Variants in SHC4 observed in about 807,000 individuals in gnomAD.
SHC4 encodes SHC-transforming protein 4.
A neutral mutation model predicts 69.4 loss-of-function variants in SHC4; 41 were observed. That is an observed-to-expected ratio of 0.59 (90% CI 0.46 to 0.77). The LOEUF is 0.77. Ranked by LOEUF, SHC4 falls within the 30% of genes least tolerant of loss-of-function variation. The pLI, the probability that SHC4 is intolerant of heterozygous loss-of-function variation, is 0.00. For missense variants in SHC4, 777 were observed against 783.8 expected (o/e 0.99, Z 0.10); for synonymous variants, 318 against 299.3 (o/e 1.06, Z -0.64).
At chr15:48,927,738 G>T (rs754591289) in intron 1 of SHC4, among the ~76,000 whole-genome samples, 1 of 151,980 alleles carries the variant, frequency 6.6e-6, no homozygotes, top group Non-Finnish European at 1.5e-5. Flanking sequence ...CATTCTGTCC[G>T]CCTGGCTCTC....
intron 11 of SHC4, among the ~76,000 whole-genome samples, chr15:48,834,040 G>C (rs1898856251): frequency 6.6e-6 from 1 of 152,154 alleles, no homozygotes; most frequent in African/African-American, 2.4e-5. Context: ...CATGGGCTTT[G>C]ATTGCATCAT....
chr15:48,885,373 TTAAA>T (rs1399877189), intron 3 of SHC4, among the ~76,000 whole-genome samples: 38 of 152,334 alleles, frequency 2.5e-4, no homozygotes, highest in African/African-American at 9.1e-4. Context: ...GTTGTGAAGA[TTAAA>T]TAATAACTAG....
chr15:48,864,540 CG>C (rs1215579401), intron 6 of SHC4, among the ~76,000 whole-genome samples: 1 of 147,058 alleles, frequency 6.8e-6, no homozygotes, highest in Non-Finnish European at 1.5e-5. Flanking sequence ...CTCCGCCTCC[CG>C]GGTTCACACC....
intron 10 of SHC4, among the ~76,000 whole-genome samples, chr15:48,840,682 A>T (rs1444003132): frequency 6.6e-6 from 1 of 152,222 alleles, no homozygotes; most frequent in Non-Finnish European, 1.5e-5. Context: ...TGCTTTAACC[A>T]GCTAAGCCAC....
At chr15:48,956,168 A>T (rs1901450861) in intron 1 of SHC4, among the ~76,000 whole-genome samples, 1 of 152,226 alleles carries the variant, frequency 6.6e-6, no homozygotes, top group African/African-American at 2.4e-5. Context: ...CCTCAATGCC[A>T]AGTCATCAGT....
At chr15:48,878,955 A>G in intron 4 of SHC4, 1 of 479,548 alleles carries the variant, frequency 2.1e-6, no homozygotes, top group Non-Finnish European at 3.8e-6. Context: ...AGACCGTTGA[A>G]ATCAATTATC....
rs565680420 is a variant in SHC4, at chr15:48,867,847, T to C, written c.917A>G (p.Tyr306Cys). The change falls in exon 6 of 12, where the codon TAC becomes TGC. Residue 306 changes from tyrosine (Y) to cysteine (C), a missense_variant. Tyr to Cys is a radical substitution (Grantham distance 194). Transcript: ENST00000332408. ...TTGATTAACTGGATCTTTAGCTACG[T>C]AGGCAACATAGTCTGTAGTATCCTA... ...GDPDTTDYVA[Y>C]VAKDPVNQRA... 1 of 1,613,588 alleles carries C rather than the reference T, an allele frequency of 6.2e-7. No homozygotes were observed. Among genetic ancestry groups the C allele is most frequent in the Admixed American group, 1.7e-5 (1 of 60,014 alleles).
chr15:48,915,549 G>A (rs923139661), intron 2 of SHC4, among the ~76,000 whole-genome samples: 1 of 152,188 alleles, frequency 6.6e-6, no homozygotes, highest in Non-Finnish European at 1.5e-5. Flanking sequence ...ATCTGCACGT[G>A]TGTGAAAGGA....
chr15:48,933,375 T>C (rs916513815), intron 1 of SHC4, among the ~76,000 whole-genome samples: 1 of 152,208 alleles, frequency 6.6e-6, no homozygotes, highest in East Asian at 1.9e-4. Context: ...TCTGATAGGA[T>C]AAGCTTACAC....
In SHC4 at chr15:48,825,659, C is replaced by T. The variant is rs1007554653; in HGVS notation, c.*312G>A. Reference sequence around the variant, plus strand: ...TGCCCCAGCAGTTCATTCAAGTTGTCGTTAGCATGTGAAATTTTAGTTGTG... The same window carrying T: ...TGCCCCAGCAGTTCATTCAAGTTGTTGTTAGCATGTGAAATTTTAGTTGTG... On this transcript the variant is annotated 3_prime_UTR_variant, in exon 12 of 12. Transcript: ENST00000332408. The T allele has an allele frequency of 9.4e-5, 22 of 233,776 alleles. No homozygotes were observed. Among genetic ancestry groups the T allele is most frequent in the Non-Finnish European group, 1.3e-4 (16 of 119,966 alleles). The allele number at this position is 233,776 out of a possible 1,614,324, so 14.5% of individuals were successfully genotyped here. A position where few individuals can be genotyped will look rare whatever the true frequency, so the allele number is the denominator to read the frequency against.
intron 2 of SHC4, among the ~76,000 whole-genome samples, chr15:48,908,009 A>G (rs540530349): frequency 1.3e-5 from 2 of 152,252 alleles, no homozygotes; most frequent in South Asian, 4.1e-4. Context: ...GGTAGATAGA[A>G]GGGAAAGTTG....
At chr15:48,949,669 CA>C (rs1430298099) in intron 1 of SHC4, among the ~76,000 whole-genome samples, 1 of 151,760 alleles carries the variant, frequency 6.6e-6, no homozygotes, top group Non-Finnish European at 1.5e-5. Context: ...CATTCTTTTC[CA>C]GCAGCTTTTA....
In SHC4 at chr15:48,963,361, G is replaced by A. The variant is rs1901580103; in HGVS notation, c.-346C>T. 1.1e-5 allele frequency: 3 copies of A among 274,220 alleles called. No homozygotes were observed. In the Admixed American group the frequency reaches 1.4e-4, roughly 13 times the overall value. The allele number at this position is 274,220 out of a possible 1,614,324, so 17.0% of individuals were successfully genotyped here. A position where few individuals can be genotyped will look rare whatever the true frequency, so the allele number is the denominator to read the frequency against. ...AGAACCCGGGCGAGCGCCGGTCGGG[G>A]GGCCCGCTGCATCACTAGCCTTGCA... On this transcript the variant is annotated 5_prime_UTR_variant, in exon 1 of 12. Transcript: ENST00000332408.
intron 1 of SHC4, among the ~76,000 whole-genome samples, chr15:48,928,014 A>G (rs1025421765): frequency 6.6e-6 from 1 of 152,130 alleles, no homozygotes; most frequent in Non-Finnish European, 1.5e-5. Context: ...TTGTTGAAAG[A>G]ATGAATGAAG....
At chr15:48,852,625 G>C (rs1899236385) in intron 8 of SHC4, among the ~76,000 whole-genome samples, 1 of 152,176 alleles carries the variant, frequency 6.6e-6, no homozygotes, top group African/African-American at 2.4e-5. Flanking sequence ...GGTAGGGCCA[G>C]GCGTGACGGC....
chr15:48,885,607 T>C (rs1027958457), intron 3 of SHC4, among the ~76,000 whole-genome samples: 1 of 152,200 alleles, frequency 6.6e-6, no homozygotes, highest in African/African-American at 2.4e-5. Context: ...TTTAAGGCAA[T>C]CAATGAAAAC....
At chr15:48,873,462 C>T (rs1899730615) in intron 4 of SHC4, among the ~76,000 whole-genome samples, 1 of 152,246 alleles carries the variant, frequency 6.6e-6, no homozygotes, top group Non-Finnish European at 1.5e-5. Flanking sequence ...CAACAATAGT[C>T]GGCCGGGCGC....
chr15:48,898,191 T>C (rs1900258199), intron 2 of SHC4, among the ~76,000 whole-genome samples: 1 of 152,184 alleles, frequency 6.6e-6, no homozygotes, highest in Non-Finnish European at 1.5e-5. Context: ...TCCAGCTTAG[T>C]GAAATTAAAG....
In SHC4 at chr15:48,867,815, TACC is replaced by T. The variant is rs746248231; in HGVS notation, c.946_946+2del. On this transcript the variant is annotated splice_donor_variant and coding_sequence_variant, in exon 6 of 12. Transcript: ENST00000332408. LOFTEE classifies it high-confidence loss of function. Reference sequence around the variant, plus strand: ...TAAAAAATCTGTAAGTTGCTTTCCATACCTCGTTGATTAACTGGATCTTTAGCT... The same window carrying T: ...TAAAAAATCTGTAAGTTGCTTTCCATTCGTTGATTAACTGGATCTTTAGCT... 5 of 1,613,430 alleles carry T rather than the reference TACC, an allele frequency of 3.1e-6. No homozygotes were observed. Among genetic ancestry groups the T allele is most frequent in the Non-Finnish European group, 4.2e-6 (5 of 1,179,538 alleles).
Sources: allele counts gnomAD v4.1 joint callset (sites outside exome capture counted in the v4.1 genomes callset), GRCh38; gene constraint gnomAD v4.1.1; transcripts MANE v1.5; gene names NCBI Gene and HGNC (gene_info 2026-07-23, HGNC 2026-07-21).